Variants in POTEJ observed in about 807,000 individuals in gnomAD.
POTEJ encodes the protein POTE ankyrin domain family member J, also known as POTE ankyrin domain family, member J.
In POTEJ, 11 loss-of-function variants were observed where a neutral mutation model predicts 69.0. The observed-to-expected ratio is 0.16, with a 90% CI of 0.10 to 0.26. POTEJ has a LOEUF of 0.26. Among genes scored for constraint, POTEJ ranks in the 10% least tolerant of loss-of-function variants. The pLI, the probability that POTEJ is intolerant of heterozygous loss-of-function variation, is 1.00. For missense variants in POTEJ, 327 were observed against 1,045.5 expected (o/e 0.31, Z 9.48); for synonymous variants, 117 against 381.1 (o/e 0.31, Z 8.07).
At chr2:130,645,559 A>G (rs1686548722) in intron 11 of POTEJ, among the ~76,000 whole-genome samples, 178 bp from the exon 12 acceptor site, 1 of 144,666 alleles carries the variant, frequency 6.9e-6, no homozygotes, top group Non-Finnish European at 1.5e-5. Context: ...TAAAAAGTTA[A>G]TTCTTAATTT....
intron 1 of POTEJ, among the ~76,000 whole-genome samples, chr2:130,612,634 G>A (rs1388655529): frequency 6.8e-6 from 1 of 146,780 alleles, no homozygotes; most frequent in South Asian, 2.1e-4. Context: ...ACGGTGGCAG[G>A]TGCCTGTAGT....
chr2:130,613,289 CATATATATACATATGT>C (rs1558915509), intron 1 of POTEJ, among the ~76,000 whole-genome samples: 1 of 87,662 alleles, frequency 1.1e-5, no homozygotes, highest in African/African-American at 5.1e-5. Flanking sequence ...TGTATATATA[CATATATATACATATGT>C]ATATATACAT....
chr2:130,644,695 CAGAA>C (rs1686522816), intron 11 of POTEJ, among the ~76,000 whole-genome samples: 1 of 142,048 alleles, frequency 7.0e-6, no homozygotes, highest in Admixed American at 7.1e-5. Context: ...AAACAAATTT[CAGAA>C]CTTTGTTTGT....
chr2:130,642,867 C>T (rs1226695812), intron 10 of POTEJ, among the ~76,000 whole-genome samples: 1 of 150,842 alleles, frequency 6.6e-6, no homozygotes, highest in Non-Finnish European at 1.5e-5. Flanking sequence ...CCTTTCCTGC[C>T]CTCTACCCCT....
chr2:130,647,192 G>A (rs1433731179), intron 13 of POTEJ, among the ~76,000 whole-genome samples: 4 of 151,154 alleles, frequency 2.6e-5, no homozygotes, highest in African/African-American at 7.4e-5. Context: ...CAATTAAAAT[G>A]TATTTAAAGC....
chr2:130,627,836 CTTTA>C (rs1385382295), intron 6 of POTEJ, among the ~76,000 whole-genome samples: 1 of 147,620 alleles, frequency 6.8e-6, no homozygotes, highest in East Asian at 1.9e-4. Context: ...GGTTTCTTTG[CTTTA>C]TTGTCACAGC....
chr2:130,642,794 G>A (rs1444774909), intron 10 of POTEJ, among the ~76,000 whole-genome samples: 1 of 152,208 alleles, frequency 6.6e-6, no homozygotes, highest in Admixed American at 6.5e-5. Flanking sequence ...TTCTATTGTA[G>A]GCAAATACTT....
chr2:130,636,351 G>T (rs1228192651), intron 9 of POTEJ, among the ~76,000 whole-genome samples: 2 of 151,538 alleles, frequency 1.3e-5, no homozygotes, highest in Admixed American at 6.6e-5. Context: ...ATCAAGGCAA[G>T]GTTCAATGAA....
intron 3 of POTEJ, among the ~76,000 whole-genome samples, chr2:130,617,829 T>C (rs1225808360): frequency 1.3e-5 from 2 of 152,296 alleles, no homozygotes; most frequent in Non-Finnish European, 2.9e-5. Context: ...TGTGTTGTCG[T>C]TGTTGATTGA....
chr2:130,644,513 G>A (rs1253045388), intron 11 of POTEJ, among the ~76,000 whole-genome samples: 3 of 152,254 alleles, frequency 2.0e-5, no homozygotes, highest in African/African-American at 4.8e-5. Flanking sequence ...AAAATTTATT[G>A]TAATAAAATC....
intron 7 of POTEJ, among the ~76,000 whole-genome samples, chr2:130,630,587 G>A (rs1422298115): frequency 2.8e-5 from 4 of 141,312 alleles, no homozygotes; most frequent in Admixed American, 7.0e-5. Context: ...CTGCCTTATG[G>A]TCTCTCATTG....
intron 9 of POTEJ, among the ~76,000 whole-genome samples, chr2:130,637,491 C>T (rs1259571439): frequency 7.3e-5 from 11 of 151,060 alleles, no homozygotes; most frequent in African/African-American, 1.7e-4. Context: ...CTATATTTTG[C>T]GCAGTCACTG....
chr2:130,613,314 A>ATATATACATATGTATATATACG (rs1685298393), intron 1 of POTEJ, among the ~76,000 whole-genome samples: 2 of 107,816 alleles, frequency 1.9e-5, no homozygotes, highest in East Asian at 2.3e-4. Context: ...GTATATATAC[A>ATATATACATATGTATATATACG]TATATATACA....
At chr2:130,629,532 T>C (rs1282297127) in intron 6 of POTEJ, among the ~76,000 whole-genome samples, 1 of 144,976 alleles carries the variant, frequency 6.9e-6, no homozygotes, top group Non-Finnish European at 1.5e-5. Context: ...AGGGTCACCA[T>C]GACCTTTCCT....
In POTEJ at chr2:130,613,255, C is replaced by CATATAT. The variant is rs1685282776; in HGVS notation, c.410+1314_410+1315insTATATA. 1.2e-4 allele frequency among the ~76,000 whole-genome samples: 10 copies of CATATAT among 84,598 alleles called. No individual in the cohort carries two copies. In the East Asian group the frequency reaches 3.0e-3, roughly 25 times the overall value. The allele number at this position is 84,598 out of a possible 152,430, so 55.5% of individuals were successfully genotyped here. ...ATATACATATATATACATATATATA[C>CATATAT]ACATATATACATATATATACATATG... On this transcript the variant is annotated intron_variant, in intron 1 of 14. Transcript: ENST00000409602.
At chr2:130,618,161 A>C (rs1246178484) in intron 3 of POTEJ, among the ~76,000 whole-genome samples, 1 of 152,030 alleles carries the variant, frequency 6.6e-6, no homozygotes, top group Non-Finnish European at 1.5e-5. Context: ...TTTTGAGTTG[A>C]CTAGACCCTG....
intron 5 of POTEJ, chr2:130,622,801 A>G (rs1334109750): frequency 6.6e-6 from 1 of 151,776 alleles, no homozygotes; most frequent in Admixed American, 6.6e-5. Context: ...AGCCTTGTCC[A>G]TGACGCATCA....
chr2:130,643,389 C>A lies in POTEJ; in HGVS notation c.1370-594C>A, dbSNP rs944480020. On this transcript the variant is annotated intron_variant, in intron 10 of 14. Transcript: ENST00000409602. ...CAAAAATCAGCTGGGTGTGGTGGTG[C>A]TTGCCTGTAATCACAGTTACTCAGG... 1.5e-4 allele frequency among the ~76,000 whole-genome samples: 20 copies of A among 130,726 alleles called. 4 individuals are homozygous for A. Among genetic ancestry groups the A allele is most frequent in the Non-Finnish European group, 5.1e-5 (3 of 58,946 alleles). The allele number at this position is 130,726 out of a possible 152,430, so 85.8% of individuals were successfully genotyped here.
chr2:130,621,768 G>GACCAAGTTACT (rs1335945037), intron 5 of POTEJ, among the ~76,000 whole-genome samples, 165 bp downstream of exon 5: 2 of 150,442 alleles, frequency 1.3e-5, no homozygotes, highest in South Asian at 2.1e-4. Flanking sequence ...CAAAAAGCAA[G>GACCAAGTTACT]ACAAGTTAGA....
Sources: allele counts gnomAD v4.1 joint callset (sites outside exome capture counted in the v4.1 genomes callset), GRCh38; gene constraint gnomAD v4.1.1; transcripts MANE v1.5; gene names NCBI Gene and HGNC (gene_info 2026-07-23, HGNC 2026-07-21).